The following DOCK5 variants were observed in gnomAD, a reference collection of about 807,000 sequenced individuals.
DOCK5 encodes dedicator of cytokinesis 5.
Under a neutral mutation model 251.8 loss-of-function variants are expected in DOCK5, and 142 were observed. That is an observed-to-expected ratio of 0.56 (90% CI 0.49 to 0.65). The LOEUF (loss-of-function observed/expected upper bound fraction) is 0.65, where lower values mean the gene tolerates loss of function less well. Ranked by LOEUF, DOCK5 falls within the 30% of genes least tolerant of loss-of-function variation. The probability of loss-of-function intolerance (pLI) is 0.00; values close to 1 mark genes in which losing one functional copy is unlikely to be tolerated. For synonymous variants in DOCK5, 842 were observed against 835.5 expected, an observed-to-expected ratio of 1.01 and a Z score of -0.13; for missense variants, 2,111 against 2,312.3, an observed-to-expected ratio of 0.91 and a Z score of 1.79.
rs780355989 is a variant in DOCK5 at position 25,321,055 on chromosome 8, A to G, written c.1615+3A>G. 7.4e-6 allele frequency: 12 copies of G among 1,612,436 alleles called. No homozygotes were observed. Among genetic ancestry groups the G allele is most frequent in the Non-Finnish European group, 1.0e-5 (12 of 1,179,370 alleles). On this transcript the variant is annotated splice_donor_region_variant and intron_variant, in intron 16 of 51. Coordinates refer to ENST00000276440, the MANE Select transcript of DOCK5 (RefSeq NM_024940.8). ...CCGACACAGGTCATCTCAGGAAAGTAAGTATTAAGACGTCTATGACATATT... is the reference window on the plus strand; with the variant it reads ...CCGACACAGGTCATCTCAGGAAAGTGAGTATTAAGACGTCTATGACATATT...
chr8:25,243,898 A>C, intron 2 of DOCK5, 141 bp downstream of exon 2: 1 of 800,264 alleles, frequency 1.2e-6, no homozygotes, highest in Non-Finnish European at 2.0e-6. Flanking sequence ...TACTTGGGTG[A>C]CACAATTTTG....
intron 22 of DOCK5, among the ~76,000 whole-genome samples, chr8:25,340,178 G>C (rs1441289540): frequency 6.6e-6 from 1 of 152,204 alleles, no homozygotes; most frequent in African/African-American, 2.4e-5. Context: ...GAGATACTTT[G>C]GGGACTACAT....
At chr8:25,342,564 T>G in intron 25 of DOCK5, 57 bp downstream of exon 25, 3 of 1,327,570 alleles carry the variant, frequency 2.3e-6, no homozygotes, top group Non-Finnish European at 1.1e-6. Context: ...ATTGCACCAT[T>G]GCACTCCAGC....
chr8:25,246,348 A>G (rs1035208056), intron 2 of DOCK5, among the ~76,000 whole-genome samples: 13 of 152,108 alleles, frequency 8.5e-5, no homozygotes, highest in African/African-American at 3.1e-4. Flanking sequence ...ATCTTGGCTC[A>G]CTGTGATCTC....
chr8:25,287,889 T>C (rs1459329879), intron 5 of DOCK5, among the ~76,000 whole-genome samples: 1 of 150,234 alleles, frequency 6.7e-6, no homozygotes, highest in Non-Finnish European at 1.5e-5. Flanking sequence ...ATATGCTCTT[T>C]TTTTTTTTTT....
At chr8:25,385,262 A>G (rs886512648) in intron 40 of DOCK5, among the ~76,000 whole-genome samples, 2 of 152,106 alleles carry the variant, frequency 1.3e-5, no homozygotes, top group South Asian at 4.1e-4. Context: ...TTTTGTCTCC[A>G]TGGTCATCCA....
In DOCK5 at chr8:25,184,728, CGGCGCGGGCACG is replaced by C. The variant is rs1406773903; in HGVS notation, c.-177_-166del. The C allele has an allele frequency of 6.3e-6, 2 of 315,986 alleles. No homozygotes were observed. The highest frequency in any genetic ancestry group is 1.0e-5 in the Non-Finnish European group (2 of 196,654). The allele number at this position is 315,986 out of a possible 1,614,324, so 19.6% of individuals were successfully genotyped here. On this transcript the variant is annotated 5_prime_UTR_variant, in exon 1 of 52. Transcript: ENST00000276440. Reference sequence around the variant, plus strand: ...GCCCGGCCCAGCAGGTGACCGCGGGCGGCGCGGGCACGGGCACGGGCGCGGGCGGCGCGGCGA... The same window carrying C: ...GCCCGGCCCAGCAGGTGACCGCGGGCGGCACGGGCGCGGGCGGCGCGGCGA...
chr8:25,215,097 T>C (rs1586233645), intron 1 of DOCK5, among the ~76,000 whole-genome samples: 1 of 152,296 alleles, frequency 6.6e-6, no homozygotes, highest in East Asian at 1.9e-4. Context: ...GGGGGAATCC[T>C]GGACTCCATT....
rs757862770 is a variant in DOCK5, at chr8:25,374,547, T to C, written c.3726-17T>C. 3.1e-6 allele frequency: 5 copies of C among 1,591,314 alleles called. No individual in the cohort carries two copies. In the African/African-American group the frequency reaches 6.8e-5, roughly 22 times the overall value. ...ACTCTCGAGTGACAAAATGCTTCCT[T>C]CTCCCCTTCTTGCCAGATATCTGTA... On this transcript the variant is annotated splice_polypyrimidine_tract_variant and intron_variant, in intron 36 of 51. Coordinates refer to ENST00000276440, the MANE Select transcript of DOCK5 (RefSeq NM_024940.8).
At chr8:25,291,964 C>A in intron 5 of DOCK5, 60 bp from the exon 6 acceptor site, 1 of 1,436,024 alleles carries the variant, frequency 7.0e-7, no homozygotes, top group South Asian at 1.4e-5. Context: ...AAAGGATGTT[C>A]CCATCCTCTG....
chr8:25,217,834 A>T (rs914961058), intron 1 of DOCK5, among the ~76,000 whole-genome samples: 1 of 152,234 alleles, frequency 6.6e-6, no homozygotes, highest in Non-Finnish European at 1.5e-5. Flanking sequence ...TTCACCAAAG[A>T]GAATGGGACA....
intron 5 of DOCK5, among the ~76,000 whole-genome samples, chr8:25,284,484 A>C (rs1804281190): frequency 6.6e-6 from 1 of 152,218 alleles, no homozygotes; most frequent in Admixed American, 6.5e-5. Flanking sequence ...AGGGGTGGGC[A>C]GATAATGTCT....
chr8:25,306,394 T>G (rs1804925855), intron 11 of DOCK5, among the ~76,000 whole-genome samples: 1 of 152,186 alleles, frequency 6.6e-6, no homozygotes, highest in Non-Finnish European at 1.5e-5. Flanking sequence ...TAAATATGTT[T>G]AAGTATATTT....
chr8:25,399,259 G>C (rs1801396734), intron 45 of DOCK5, among the ~76,000 whole-genome samples: 1 of 152,178 alleles, frequency 6.6e-6, no homozygotes, highest in Admixed American at 6.5e-5. Context: ...ACCTGTTACA[G>C]GGACTTAGCT....
chr8:25,353,376 A>G (rs969588658), intron 27 of DOCK5, among the ~76,000 whole-genome samples: 2 of 152,078 alleles, frequency 1.3e-5, no homozygotes, highest in Non-Finnish European at 2.9e-5. Flanking sequence ...TAAAAATCCA[A>G]GCTCATCCAA....
intron 28 of DOCK5, among the ~76,000 whole-genome samples, chr8:25,361,339 G>A (rs1430780526): frequency 6.6e-6 from 1 of 152,196 alleles, no homozygotes; most frequent in Non-Finnish European, 1.5e-5. Flanking sequence ...GCCGGATGTG[G>A]TGACTCATGC....
intron 26 of DOCK5, among the ~76,000 whole-genome samples, chr8:25,351,083 A>G (rs557756479): frequency 6.6e-6 from 1 of 151,866 alleles, no homozygotes; most frequent in South Asian, 2.1e-4. Flanking sequence ...TTTGAGATGG[A>G]GTCTGGCTCT....
At position 25,286,664 on chromosome 8, in the gene DOCK5, G is replaced by GT. The variant is rs138603711; in HGVS notation, c.322-5350dup. ...GGTCTGCATTGTTTTTCTCTTTTTT[G>GT]TTTTTTTTTTGTTTTCAGAGATAGG... On this transcript the variant is annotated intron_variant, in intron 5 of 51. Coordinates refer to ENST00000276440, the MANE Select transcript of DOCK5 (RefSeq NM_024940.8). Among the ~76,000 whole-genome samples, 982 of 147,634 alleles carry GT rather than the reference G, an allele frequency of 6.7e-3. 7 individuals are homozygous for GT. Among genetic ancestry groups the GT allele is most frequent in the Middle Eastern group, 0.01 (3 of 286 alleles).
intron 11 of DOCK5, among the ~76,000 whole-genome samples, chr8:25,305,461 G>C (rs1177858154): frequency 1.3e-5 from 2 of 152,238 alleles, no homozygotes; most frequent in East Asian, 3.9e-4. Context: ...TTATGTGGTA[G>C]TCATGGGAGG....
Sources: gnomAD v4.1 joint callset for allele counts (sites outside exome capture counted in the v4.1 genomes callset) on GRCh38, gnomAD v4.1.1 for gene constraint, MANE v1.5 for transcripts, NCBI Gene and HGNC (gene_info 2026-07-23, HGNC 2026-07-21) for gene names.